The following TRIM43 variants were observed in gnomAD, a reference collection of about 807,000 sequenced individuals.
The protein encoded by TRIM43 is tripartite motif-containing protein 43.
Under a neutral mutation model 27.7 loss-of-function variants are expected in TRIM43, and 12 were observed. That is an observed-to-expected ratio of 0.43 (90% CI 0.28 to 0.70). The LOEUF (loss-of-function observed/expected upper bound fraction) is 0.70, where lower values mean the gene tolerates loss of function less well. Among genes scored for constraint, TRIM43 ranks in the 30% least tolerant of loss-of-function variants. The pLI is 0.17. For synonymous variants in TRIM43, 64 were observed against 121.9 expected (o/e 0.52, Z 3.13); for missense variants, 186 against 356.5 (o/e 0.52, Z 3.85).
chr2:95,596,446 A>T lies in TRIM43; in HGVS notation c.738+14A>T. 2 of 1,583,582 alleles carry T rather than the reference A, an allele frequency of 1.3e-6. No individual in the cohort carries two copies. The highest frequency in any genetic ancestry group is 1.7e-6 in the Non-Finnish European group (2 of 1,162,900). ...GAGCTGCTCCAGGTAAGAATGGAGG[A>T]TGCCCCTTGAGACACTTTGTGTTAG... On this transcript the variant is annotated intron_variant, in intron 4 of 6. Transcript: ENST00000272395.
rs567961783 is a variant in TRIM43 at position 95,592,681 on chromosome 2, A to T, written c.-5+532A>T. 4.6e-3 allele frequency among the ~76,000 whole-genome samples: 678 copies of T among 148,016 alleles called. 5 individuals are homozygous for T. The highest frequency in any genetic ancestry group is 0.019 in the South Asian group (88 of 4,666). ...CCACCGCGCCCGGCCTTTTTTTTTT[A>T]AATTTATATAAGTATTTTTAGAGAC... On this transcript the variant is annotated intron_variant, in intron 1 of 6. Coordinates refer to ENST00000272395, the MANE Select transcript of TRIM43 (RefSeq NM_138800.3).
chr2:95,593,280 C>T (rs1318013382), intron 1 of TRIM43, among the ~76,000 whole-genome samples: 1 of 151,918 alleles, frequency 6.6e-6, no homozygotes, highest in Non-Finnish European at 1.5e-5. Context: ...CTTCAATTAT[C>T]ATTATCTTTT....
rs575414521 is a variant in TRIM43, at chr2:95,596,328, C to T, written c.634C>T (p.Leu212Phe). The T allele has an allele frequency of 6.2e-7, 1 of 1,607,846 alleles. No homozygotes were observed. Among genetic ancestry groups the T allele is most frequent in the African/African-American group, 1.3e-5 (1 of 74,294 alleles). ...NKEYQEIFQQLQRSWVKMDQK... is the reference protein window; with the variant it reads ...NKEYQEIFQQFQRSWVKMDQK... ...GGAATACCAAGAGATTTTTCAGCAA[C>T]TCCAGAGAAGTTGGGTCAAAATGGA... Residue 212 changes from leucine (L) to phenylalanine (F), a missense_variant, in exon 4 of 7, where the codon CTC becomes TTC. Transcript: ENST00000272395.
At position 95,594,349 on chromosome 2, in the gene TRIM43, G is replaced by A. The variant is rs1458858409; in HGVS notation, c.326G>A (p.Ser109Asn). Residue 109 changes from serine (S) to asparagine (N), a missense_variant, in exon 2 of 7, where the codon AGT becomes AAT. Physicochemically the swap from Ser to Asn is conservative, Grantham distance 46. This residue lies in a region of TRIM43 where 91 missense variants were observed against 119.3 expected (regional missense o/e 0.76). Transcript: ENST00000272395. ...TKKMFCDMDK[S>N]LLCLLCSNSQ... ...AAGATGTTCTGTGACATGGACAAGA[G>A]TCTCCTCTGCTTGCTGTGCTCCAAC... 17 of 1,610,550 alleles carry A rather than the reference G, an allele frequency of 1.1e-5. 1 individual carries two copies. In the Admixed American group the frequency reaches 1.7e-4, roughly 16 times the overall value.
intron 1 of TRIM43, among the ~76,000 whole-genome samples, chr2:95,592,653 G>A (rs1470883998): frequency 2.6e-5 from 4 of 151,248 alleles, no homozygotes; most frequent in African/African-American, 9.7e-5. Context: ...TTACAGGCCT[G>A]AGCCACCGCG....
At chr2:95,592,633 A>T (rs1383956659) in intron 1 of TRIM43, among the ~76,000 whole-genome samples, 3 of 151,174 alleles carry the variant, frequency 2.0e-5, no homozygotes, top group Admixed American at 2.0e-4. Context: ...CGCCTCTGAA[A>T]GTGTTGGGAT....
Position 95,594,231 on chromosome 2 carries a change from C to G in TRIM43, c.208C>G (p.Leu70Val). Reference sequence around the variant, plus strand: ...AATGGACTTCAAAACCAATATTCTTCTGAAGAATTTAGTGACCATTGCCAG... The same window carrying G: ...AATGGACTTCAAAACCAATATTCTTGTGAAGAATTTAGTGACCATTGCCAG... ...PKMDFKTNILLKNLVTIARKA... is the reference protein window; with the variant it reads ...PKMDFKTNILVKNLVTIARKA... The change falls in exon 2 of 7, where the codon CTG (leucine) becomes GTG (valine). Residue 70 changes from leucine to valine, a missense_variant. Transcript: ENST00000272395. 2 of 1,608,820 alleles carry G rather than the reference C, an allele frequency of 1.2e-6. No individual in the cohort carries two copies. The highest frequency in any genetic ancestry group is 8.5e-7 in the Non-Finnish European group (1 of 1,176,898).
chr2:95,596,123 A>G, intron 3 of TRIM43, 79 bp from the exon 4 acceptor site: 1 of 1,549,360 alleles, frequency 6.5e-7, no homozygotes, highest in East Asian at 2.4e-5. Context: ...AAAAGAAGGA[A>G]TGAGGAGGAT....
intron 1 of TRIM43, among the ~76,000 whole-genome samples, chr2:95,592,585 A>G (rs550517182): frequency 1.3e-5 from 2 of 151,490 alleles, no homozygotes; most frequent in African/African-American, 4.8e-5. Context: ...GTTGGCCAGG[A>G]TGGTCTCCAT....
intron 1 of TRIM43, among the ~76,000 whole-genome samples, chr2:95,592,974 G>A (rs1484695721): frequency 6.6e-6 from 1 of 151,122 alleles, no homozygotes. Context: ...TCGGCTCACT[G>A]CAAGCTCCGC....
At chr2:95,595,920 C>T (rs780480712) in intron 3 of TRIM43, among the ~76,000 whole-genome samples, 1 of 151,458 alleles carries the variant, frequency 6.6e-6, no homozygotes, top group Non-Finnish European at 1.5e-5. Flanking sequence ...AAGTGAATAA[C>T]AAAGATTATG....
intron 4 of TRIM43, 64 bp downstream of exon 4, chr2:95,596,496 A>G (rs1685357227): frequency 1.3e-6 from 2 of 1,488,828 alleles, no homozygotes; most frequent in East Asian, 2.5e-5. Flanking sequence ...TTTGCCTTCC[A>G]TTGGGTACCA....
At position 95,594,681 on chromosome 2, in the gene TRIM43, G is replaced by A. The variant is rs974065773; in HGVS notation, c.411+247G>A. On this transcript the variant is annotated intron_variant, in intron 2 of 6. Transcript: ENST00000272395. Reference sequence around the variant, plus strand: ...TCTACAGTTCAATGCTAATGACATTGAAAAGCTACCAAAACTACCAGTGCA... The same window carrying A: ...TCTACAGTTCAATGCTAATGACATTAAAAAGCTACCAAAACTACCAGTGCA... 2.1e-4 allele frequency among the ~76,000 whole-genome samples: 32 copies of A among 150,466 alleles called. 1 individual carries two copies. The highest frequency in any genetic ancestry group is 8.9e-5 in the Non-Finnish European group (6 of 67,696).
chr2:95,596,416 A>G lies in TRIM43; in HGVS notation c.722A>G (p.Asp241Gly). The change falls in exon 4 of 7, where the codon GAT (aspartate) becomes GGT (glycine). Residue 241 changes from aspartate to glycine, a missense_variant. Physicochemically the swap from Asp to Gly is moderately conservative, Grantham distance 94. Around this residue, in one of 6 missense-constraint regions of TRIM43, gnomAD observed 20 missense variants for 30.4 expected, o/e 0.66. Coordinates refer to ENST00000272395, the MANE Select transcript of TRIM43 (RefSeq NM_138800.3). ...CTAATGGAAATGTGTCATAAACCAG[A>G]TGTGGAGCTGCTCCAGGTAAGAATG... ...QELMEMCHKP[D>G]VELLQDLGDI... 6.2e-7 allele frequency: 1 copy of G among 1,602,636 alleles called. No homozygotes were observed. Among genetic ancestry groups the G allele is most frequent in the Non-Finnish European group, 8.5e-7 (1 of 1,172,776 alleles).
chr2:95,596,358 A>C lies in TRIM43; in HGVS notation c.664A>C (p.Lys222Gln). Residue 222 changes from lysine to glutamine, a missense_variant, in exon 4 of 7, where the codon AAG becomes CAG. By Grantham distance (53) the Lys-to-Gln change is moderately conservative. This residue lies in a region of TRIM43 where 20 missense variants were observed against 30.4 expected (regional missense o/e 0.66). Coordinates refer to ENST00000272395, the MANE Select transcript of TRIM43 (RefSeq NM_138800.3). ...GAGAAGTTGGGTCAAAATGGATCAA[A>C]AGAGTAAACACTTGAAAGAAATGTA... ...LQRSWVKMDQ[K>Q]SKHLKEMYQE... 6.2e-7 allele frequency: 1 copy of C among 1,606,554 alleles called. No individual in the cohort carries two copies. The highest frequency in any genetic ancestry group is 8.5e-7 in the Non-Finnish European group (1 of 1,175,816).
At chr2:95,592,756 C>G (rs1685277932) in intron 1 of TRIM43, among the ~76,000 whole-genome samples, 1 of 151,522 alleles carries the variant, frequency 6.6e-6, no homozygotes, top group Non-Finnish European at 1.5e-5. Flanking sequence ...TTCCTGAGCT[C>G]AAAAAACCTG....
Position 95,596,156 on chromosome 2 carries a change from G to A in TRIM43, c.508-46G>A, listed in dbSNP as rs1265865654. 3.8e-6 allele frequency: 6 copies of A among 1,599,424 alleles called. No individual in the cohort carries two copies. The East Asian group carries it at 9.2e-5, about 25-fold the overall frequency. ...GATGAAGTTGTAGGCTCTGTGAGGT[G>A]GAAGTAGGCCTGGGTATATAACCTA... On this transcript the variant is annotated intron_variant, in intron 3 of 6. Transcript: ENST00000272395.
intron 3 of TRIM43, 128 bp downstream of exon 3, chr2:95,595,273 A>C (rs376996807): frequency 4.6e-5 from 30 of 650,388 alleles, no homozygotes; most frequent in East Asian, 2.6e-4. Context: ...GCTGGAAAAC[A>C]ACCAGACTGT....
At chr2:95,592,902 T>G (rs1685281513) in intron 1 of TRIM43, among the ~76,000 whole-genome samples, 5 of 151,560 alleles carry the variant, frequency 3.3e-5, no homozygotes, top group South Asian at 4.2e-4. Context: ...TTTTGTTTTT[T>G]TTTTTTAGAG....
Sources: allele counts gnomAD v4.1 joint callset (sites outside exome capture counted in the v4.1 genomes callset), GRCh38; gene constraint gnomAD v4.1.1; regional missense constraint gnomAD v4.1.1; transcripts MANE v1.5; gene names NCBI Gene and HGNC (gene_info 2026-07-23, HGNC 2026-07-21).